Variants in ADAM22 observed in about 807,000 individuals in gnomAD.
ADAM22 encodes the protein ADAM metallopeptidase domain 22.
In ADAM22, 65 loss-of-function variants were observed where a neutral mutation model predicts 144.6. The ratio of observed to expected loss-of-function variants is 0.45; its 90% CI spans 0.37 to 0.55. The LOEUF (loss-of-function observed/expected upper bound fraction) is 0.55, where lower values mean the gene tolerates loss of function less well. ADAM22 is among the 20% of genes least tolerant of loss of function. The pLI is 0.00. For synonymous variants in ADAM22, 391 were observed against 412.6 expected (o/e 0.95, Z 0.63); for missense variants, 974 against 1,184.9 (o/e 0.82, Z 2.61).
chr7:88,077,159 G>GT (rs1210389618), intron 4 of ADAM22, among the ~76,000 whole-genome samples: 23 of 152,038 alleles, frequency 1.5e-4, no homozygotes, highest in African/African-American at 1.4e-4. Flanking sequence ...CCTTTGTTCA[G>GT]TTTTTTATGT....
intron 3 of ADAM22, among the ~76,000 whole-genome samples, chr7:88,003,099 A>C (rs1792961198): frequency 1.3e-5 from 2 of 152,204 alleles, no homozygotes; most frequent in East Asian, 1.9e-4. Context: ...ACGCTAATAA[A>C]ATTTTATCTG....
At position 88,181,963 on chromosome 7, in the gene ADAM22, C is replaced by T; in HGVS notation, c.2602C>T (p.Leu868=). 1 of 1,613,542 alleles carries T rather than the reference C, an allele frequency of 6.2e-7. No individual in the cohort carries two copies. Among genetic ancestry groups the T allele is most frequent in the Non-Finnish European group, 8.5e-7 (1 of 1,179,682 alleles). The change falls in exon 29 of 32, where the codon CTG becomes TTG. Residue 868 remains leucine (L), a synonymous_variant. Coordinates refer to ENST00000413139, the MANE Select transcript of ADAM22 (RefSeq NM_001324418.2). ...CTCTAAACCGTCTTTTTCAGGTAAC[C>T]TGGGAGGCAACAAAAAGAAAATCAG... ...RPRSNSWQGN[L]GGNKKKIRGK...
At chr7:87,969,461 T>G (rs1459954136) in intron 2 of ADAM22, among the ~76,000 whole-genome samples, 2 of 152,214 alleles carry the variant, frequency 1.3e-5, no homozygotes, top group Non-Finnish European at 2.9e-5. Flanking sequence ...ACCTTCCTCT[T>G]GTGACTGTGA....
rs148859966 is a variant in ADAM22 at position 88,071,582 on chromosome 7, G to A, written c.324-4044G>A. 2.9e-3 allele frequency among the ~76,000 whole-genome samples: 444 copies of A among 152,050 alleles called. 4 individuals are homozygous for A. Among genetic ancestry groups the A allele is most frequent in the African/African-American group, 0.01 (420 of 41,512 alleles). ...ACTGTACGAGCTGTCTCTGATTCAT[G>A]ACAGTTGCCCACTACACAAAGGATA... is the stretch of plus-strand genomic sequence containing the variant. On this transcript the variant is annotated intron_variant, in intron 3 of 31. Coordinates refer to ENST00000413139, the MANE Select transcript of ADAM22 (RefSeq NM_001324418.2).
intron 3 of ADAM22, among the ~76,000 whole-genome samples, chr7:88,071,391 A>ATTTTTTTTTTTTTTTTTTTTTTTTTT (rs71297113): frequency 1.6e-5 from 2 of 126,058 alleles, no homozygotes; most frequent in African/African-American, 3.0e-5. Context: ...TTATGAAGTG[A>ATTTTTTTTTTTTTTTTTTTTTTTTTT]TTTTTTTTTT....
At chr7:88,042,112 C>A (rs1034895711) in intron 3 of ADAM22, among the ~76,000 whole-genome samples, 15 of 151,948 alleles carry the variant, frequency 9.9e-5, no homozygotes, top group African/African-American at 3.1e-4. Flanking sequence ...CTGTCTAAAT[C>A]ATTTCTCCAA....
At chr7:88,018,673 C>T (rs1797077756) in intron 3 of ADAM22, among the ~76,000 whole-genome samples, 2 of 152,200 alleles carry the variant, frequency 1.3e-5, no homozygotes, top group Non-Finnish European at 2.9e-5. Flanking sequence ...ATTGAACTCA[C>T]TCTTTAAGAT....
At chr7:88,084,247 A>T (rs945799126) in intron 4 of ADAM22, among the ~76,000 whole-genome samples, 3 of 152,146 alleles carry the variant, frequency 2.0e-5, no homozygotes, top group Non-Finnish European at 4.4e-5. Context: ...GGGTATACGT[A>T]ACTCATGAAG....
chr7:88,030,702 C>T (rs544309159), intron 3 of ADAM22, among the ~76,000 whole-genome samples: 2 of 152,262 alleles, frequency 1.3e-5, no homozygotes, highest in East Asian at 3.9e-4. Context: ...CTCTCTCTCT[C>T]TCATGCCAGC....
chr7:88,086,837 C>T (rs923340727), intron 4 of ADAM22, among the ~76,000 whole-genome samples: 2 of 152,134 alleles, frequency 1.3e-5, no homozygotes, highest in Admixed American at 1.3e-4. Flanking sequence ...AAACAGAAAG[C>T]TGCTAATATA....
rs1847024937 is a variant in ADAM22, at chr7:88,181,549, C to A, written c.2540C>A (p.Thr847Lys). 4.3e-6 allele frequency: 7 copies of A among 1,613,844 alleles called. No individual in the cohort carries two copies. Among genetic ancestry groups the A allele is most frequent in the Non-Finnish European group, 4.2e-6 (5 of 1,179,808 alleles). The change falls in exon 28 of 32, where the codon ACA becomes AAA. Residue 847 changes from threonine (T) to lysine (K), a missense_variant. By Grantham distance (78) the Thr-to-Lys change is moderately conservative. Coordinates refer to ENST00000413139, the MANE Select transcript of ADAM22 (RefSeq NM_001324418.2). The part of the protein sequence containing the change: ...SHSWSERIPD[T>K]KHISDICENG... The stretch of plus-strand genomic sequence containing the variant: ...TCTTGGAGTGAAAGGATTCCAGACA[C>A]AAAACATATTTCAGACATCTGTGAA...
intron 3 of ADAM22, among the ~76,000 whole-genome samples, chr7:88,002,762 G>T (rs969175793): frequency 2.0e-5 from 3 of 152,182 alleles, no homozygotes; most frequent in Non-Finnish European, 4.4e-5. Context: ...AGTCATCATA[G>T]TTAGTGATAC....
chr7:88,138,162 A>C (rs905844664), intron 14 of ADAM22, among the ~76,000 whole-genome samples: 4 of 152,158 alleles, frequency 2.6e-5, no homozygotes, highest in African/African-American at 9.7e-5. Flanking sequence ...CTCAAATAAT[A>C]ATAAAGTAAA....
chr7:88,103,116 A>T (rs1406376243), intron 4 of ADAM22, among the ~76,000 whole-genome samples: 1 of 152,154 alleles, frequency 6.6e-6, no homozygotes, highest in African/African-American at 2.4e-5. Context: ...GAAGTCATTT[A>T]TGAGAAGGGA....
chr7:88,115,720 C>T (rs1827600504), intron 6 of ADAM22, among the ~76,000 whole-genome samples: 1 of 152,190 alleles, frequency 6.6e-6, no homozygotes, highest in South Asian at 2.1e-4. Flanking sequence ...CACAACAAAT[C>T]AAATCCACAG....
intron 3 of ADAM22, among the ~76,000 whole-genome samples, chr7:87,987,089 T>A (rs1788657156): frequency 1.3e-5 from 2 of 152,338 alleles, no homozygotes; most frequent in South Asian, 4.1e-4. Context: ...CCCTAGAAGT[T>A]CTTTTGAGAT....
intron 5 of ADAM22, among the ~76,000 whole-genome samples, chr7:88,111,368 TG>T (rs1437604361): frequency 2.0e-5 from 2 of 100,894 alleles, no homozygotes; most frequent in South Asian, 5.5e-4. Context: ...AAGTGCGTAC[TG>T]TTTTTTTTTT....
chr7:88,138,004 A>T (rs1287090094), intron 14 of ADAM22, among the ~76,000 whole-genome samples: 1 of 152,058 alleles, frequency 6.6e-6, no homozygotes, highest in Non-Finnish European at 1.5e-5. Flanking sequence ...AAATACAAAA[A>T]TTAACCAGTC....
intron 4 of ADAM22, among the ~76,000 whole-genome samples, chr7:88,086,324 G>A (rs1358336120): frequency 6.6e-6 from 1 of 152,098 alleles, no homozygotes; most frequent in African/African-American, 2.4e-5. Flanking sequence ...TGTATTTAGT[G>A]TAAAAACAGA....
Sources: gnomAD v4.1 joint callset for allele counts (sites outside exome capture counted in the v4.1 genomes callset) on GRCh38, gnomAD v4.1.1 for gene constraint, MANE v1.5 for transcripts, NCBI Gene and HGNC (gene_info 2026-07-23, HGNC 2026-07-21) for gene names.